Variants in WDR7 observed in about 807,000 individuals in gnomAD.
WDR7 encodes WD repeat domain 7.
WDR7 carries 46 observed loss-of-function variants against 169.4 expected under a neutral mutation model. That is an observed-to-expected ratio of 0.27 (90% CI 0.21 to 0.35). The LOEUF (loss-of-function observed/expected upper bound fraction) is 0.35. Ranked by LOEUF, WDR7 falls within the 10% of genes least tolerant of loss-of-function variation. The pLI, the probability that WDR7 is intolerant of heterozygous loss-of-function variation, is 1.00. For synonymous variants in WDR7, 612 were observed against 666.8 expected, an observed-to-expected ratio of 0.92 and a Z score of 1.27; for missense variants, 1,534 against 1,859.3, an observed-to-expected ratio of 0.83 and a Z score of 3.22.
At chr18:56,837,603 T>G (rs756519956) in intron 20 of WDR7, among the ~76,000 whole-genome samples, 6 of 152,248 alleles carry the variant, frequency 3.9e-5, no homozygotes, top group Non-Finnish European at 5.9e-5. Context: ...TGAAAGATTT[T>G]GATTTATTGA....
intron 25 of WDR7, among the ~76,000 whole-genome samples, chr18:56,951,379 C>T (rs1001935341): frequency 6.6e-6 from 1 of 152,108 alleles, no homozygotes; most frequent in Non-Finnish European, 1.5e-5. Context: ...CGCACACTCC[C>T]GTACCTCTTC....
chr18:56,824,655 A>G (rs930247778), intron 20 of WDR7, among the ~76,000 whole-genome samples: 4 of 152,214 alleles, frequency 2.6e-5, no homozygotes, highest in African/African-American at 9.7e-5. Flanking sequence ...TCTTGGTAAC[A>G]CATTAGTGAG....
At chr18:56,904,697 C>T (rs967106656) in intron 21 of WDR7, among the ~76,000 whole-genome samples, 1 of 152,098 alleles carries the variant, frequency 6.6e-6, no homozygotes, top group African/African-American at 2.4e-5. Context: ...GTCTTTTGCT[C>T]TTATTTAGGA....
chr18:56,740,469 C>T (rs1229489380), intron 14 of WDR7, among the ~76,000 whole-genome samples: 1 of 151,598 alleles, frequency 6.6e-6, no homozygotes, highest in Non-Finnish European at 1.5e-5. Context: ...TTGTTAAATA[C>T]CAGACATTGT....
At chr18:56,967,182 C>T (rs774832500) in intron 26 of WDR7, among the ~76,000 whole-genome samples, 1 of 151,930 alleles carries the variant, frequency 6.6e-6, no homozygotes, top group Non-Finnish European at 1.5e-5. Flanking sequence ...CAATAGGGAG[C>T]GCTTGGGTGG....
chr18:56,839,929 G>A (rs1416184338), intron 20 of WDR7, among the ~76,000 whole-genome samples: 2 of 152,080 alleles, frequency 1.3e-5, no homozygotes, highest in African/African-American at 4.8e-5. Context: ...GGGCATGGTG[G>A]CAGGTGCCTG....
At chr18:56,664,479 A>G (rs148207965) in intron 1 of WDR7, among the ~76,000 whole-genome samples, 1 of 152,214 alleles carries the variant, frequency 6.6e-6, no homozygotes, top group Non-Finnish European at 1.5e-5. Flanking sequence ...CGGTGAGAAC[A>G]TAATTAAAGG....
At chr18:56,864,401 C>A (rs1438640769) in intron 20 of WDR7, among the ~76,000 whole-genome samples, 4 of 151,514 alleles carry the variant, frequency 2.6e-5, no homozygotes, top group Non-Finnish European at 5.9e-5. Flanking sequence ...TCATAAGTAT[C>A]TGGCCATATA....
intron 21 of WDR7, among the ~76,000 whole-genome samples, chr18:56,919,411 T>C: frequency 6.6e-6 from 1 of 152,184 alleles, no homozygotes; most frequent in Non-Finnish European, 1.5e-5. Flanking sequence ...CAAAGACAAT[T>C]ACAGGAACCT....
At chr18:56,973,177 TG>T (rs2047517740) in intron 26 of WDR7, among the ~76,000 whole-genome samples, 1 of 152,192 alleles carries the variant, frequency 6.6e-6, no homozygotes, top group Non-Finnish European at 1.5e-5. Context: ...CGCCCGGCCA[TG>T]GGTACTTCTT....
intron 20 of WDR7, among the ~76,000 whole-genome samples, chr18:56,821,615 C>T (rs954068952): frequency 2.7e-5 from 4 of 149,858 alleles, no homozygotes; most frequent in Non-Finnish European, 4.4e-5. Context: ...TGCTGGATAT[C>T]TAATCTCATC....
chr18:56,914,336 C>T (rs2046594652), intron 21 of WDR7, among the ~76,000 whole-genome samples: 2 of 152,204 alleles, frequency 1.3e-5, no homozygotes, highest in African/African-American at 4.8e-5. Flanking sequence ...CTTAGTGCCA[C>T]TTGATACATT....
intron 26 of WDR7, among the ~76,000 whole-genome samples, chr18:56,979,961 T>C (rs1375034974): frequency 6.6e-6 from 1 of 152,234 alleles, no homozygotes; most frequent in Non-Finnish European, 1.5e-5. Flanking sequence ...CACGGTTTTA[T>C]GGTAAAGCAA....
chr18:56,802,617 C>G (rs1351119932), intron 19 of WDR7, among the ~76,000 whole-genome samples: 1 of 151,294 alleles, frequency 6.6e-6, no homozygotes, highest in African/African-American at 2.4e-5. Context: ...ATACACCCAT[C>G]TTGGCCTCCC....
chr18:56,727,356 A>G (rs901596810), intron 13 of WDR7, among the ~76,000 whole-genome samples: 3 of 150,466 alleles, frequency 2.0e-5, no homozygotes, highest in Non-Finnish European at 4.4e-5. Flanking sequence ...TTTTTTTTCT[A>G]TCTTTTGAAC....
chr18:56,878,486 A>G (rs1013708451), intron 20 of WDR7, among the ~76,000 whole-genome samples: 9 of 152,162 alleles, frequency 5.9e-5, no homozygotes, highest in Non-Finnish European at 8.8e-5. Context: ...TCCAAAGTAG[A>G]TGCCCAATAA....
intron 12 of WDR7, among the ~76,000 whole-genome samples, chr18:56,703,561 T>A (rs1378168057): frequency 6.6e-6 from 1 of 152,202 alleles, no homozygotes; most frequent in African/African-American, 2.4e-5. Flanking sequence ...ATGTTCTGTG[T>A]CATCCTTTTT....
At chr18:56,897,307 G>A (rs1333907838) in intron 21 of WDR7, among the ~76,000 whole-genome samples, 4 of 151,772 alleles carry the variant, frequency 2.6e-5, no homozygotes, top group African/African-American at 9.7e-5. Context: ...TGTAACCCAG[G>A]AAACATGTAC....
rs1323912072 is a variant in WDR7, at chr18:57,026,989, C to A, written c.4270-15C>A. 22 of 1,611,354 alleles carry A rather than the reference C, an allele frequency of 1.4e-5. No homozygotes were observed. The highest frequency in any genetic ancestry group is 1.9e-5 in the Non-Finnish European group (22 of 1,178,768). On this transcript the variant is annotated splice_polypyrimidine_tract_variant and intron_variant, in intron 27 of 27. Coordinates refer to ENST00000254442, the MANE Select transcript of WDR7 (RefSeq NM_015285.3). The stretch of plus-strand genomic sequence containing the variant: ...GGGCTGTTCAAGTGACACATGTGCT[C>A]TCCTGTCCCTCCAGATGAACACGTC...
Sources: gnomAD v4.1 joint callset for allele counts (sites outside exome capture counted in the v4.1 genomes callset) on GRCh38, gnomAD v4.1.1 for gene constraint, MANE v1.5 for transcripts, NCBI Gene and HGNC (gene_info 2026-07-23, HGNC 2026-07-21) for gene names.